The following RBBP8 variants were observed in gnomAD, a reference collection of about 807,000 sequenced individuals.
The protein encoded by RBBP8 is DNA endonuclease RBBP8.
A neutral mutation model predicts 108.3 loss-of-function variants in RBBP8; 88 were observed. The ratio of observed to expected loss-of-function variants is 0.81; its 90% confidence interval spans 0.68 to 0.97. The LOEUF (loss-of-function observed/expected upper bound fraction) is 0.97, where lower values mean the gene tolerates loss of function less well. Among genes scored for constraint, RBBP8 ranks in the 50% least tolerant of loss-of-function variants. RBBP8 has a pLI of 0.00. For missense variants in RBBP8, 1,023 were observed against 1,049.0 expected (o/e 0.98, Z 0.34); for synonymous variants, 332 against 348.2 (o/e 0.95, Z 0.52).
intron 16 of RBBP8, among the ~76,000 whole-genome samples, chr18:23,014,702 C>T (rs976269719): frequency 2.0e-5 from 3 of 152,156 alleles, no homozygotes; most frequent in South Asian, 2.1e-4. Context: ...TTCTTCCCAA[C>T]GTACTCCATA....
chr18:23,008,231 C>A (rs1011396498), intron 16 of RBBP8, among the ~76,000 whole-genome samples: 4 of 135,106 alleles, frequency 3.0e-5, no homozygotes, highest in East Asian at 2.0e-4. Context: ...GTAATTCATT[C>A]AAAAAAAATT....
At chr18:22,953,948 G>C (rs774990573) in intron 4 of RBBP8, among the ~76,000 whole-genome samples, 27 of 152,008 alleles carry the variant, frequency 1.8e-4, no homozygotes, top group Non-Finnish European at 2.4e-4. Flanking sequence ...AAGCAAAAGG[G>C]GGATAAGCCC....
intron 16 of RBBP8, among the ~76,000 whole-genome samples, chr18:23,013,611 G>T (rs1249967406): frequency 1.3e-5 from 2 of 152,150 alleles, no homozygotes; most frequent in Non-Finnish European, 2.9e-5. Flanking sequence ...TGATTTGCTG[G>T]TTTTACATAG....
chr18:22,982,325 A>G lies in RBBP8; in HGVS notation c.536A>G (p.Lys179Arg). ...TCTGGCGTTAACCGGCTACGAAGAA[A>G]GGAGAACCCCCATGTCCGATACATA... ...SFSGVNRLRRKENPHVRYIEQ... is the reference protein window; with the variant it reads ...SFSGVNRLRRRENPHVRYIEQ... The change falls in exon 7 of 19, where the codon AAG becomes AGG. Residue 179 changes from lysine (K) to arginine (R), a missense_variant. Transcript: ENST00000327155. 1.2e-6 allele frequency: 2 copies of G among 1,614,208 alleles called. No homozygotes were observed. Among genetic ancestry groups the G allele is most frequent in the Non-Finnish European group, 1.7e-6 (2 of 1,180,022 alleles).
chr18:23,020,104 ATTTT>A (rs542049374), intron 17 of RBBP8, among the ~76,000 whole-genome samples: 1 of 138,648 alleles, frequency 7.2e-6, no homozygotes, highest in Non-Finnish European at 1.6e-5. Flanking sequence ...TCTCCTGGTC[ATTTT>A]TTTTTTTTTT....
chr18:22,936,097 T>TA (rs1325297090), intron 1 of RBBP8, among the ~76,000 whole-genome samples: 62 of 151,984 alleles, frequency 4.1e-4, no homozygotes, highest in Non-Finnish European at 5.4e-4. Context: ...ATTCAAAAGT[T>TA]AAAAAAACCA....
At chr18:22,991,180 T>TA (rs1345852015) in intron 10 of RBBP8, 131 bp downstream of exon 10, 1 of 743,828 alleles carries the variant, frequency 1.3e-6, no homozygotes, top group East Asian at 2.9e-5. Context: ...ATGTTTACTT[T>TA]AAAAATTGTC....
At chr18:22,925,024 C>T (rs1909738726) in intron 3 of RBBP8, among the ~76,000 whole-genome samples, 1 of 151,948 alleles carries the variant, frequency 6.6e-6, no homozygotes, top group South Asian at 2.1e-4. Context: ...GCTGAGGCTA[C>T]ACACAACACT....
rs373041053 is a variant in RBBP8 at position 23,026,202 on chromosome 18, G to T, written c.2656G>T (p.Ala886Ser). Residue 886 changes from alanine (A) to serine (S), a missense_variant, in exon 19 of 19, where the codon GCA (alanine) becomes TCA (serine). By Grantham distance (99) the Ala-to-Ser change is moderately conservative (BLOSUM62 1). Transcript: ENST00000327155. Reference sequence around the variant, plus strand: ...TCCAAAAAGACGTCAGCCTTACAACGCAATATTTTCTCCAAAAGGCAAGGA... The same window carrying T: ...TCCAAAAAGACGTCAGCCTTACAACTCAATATTTTCTCCAAAAGGCAAGGA... The part of the protein sequence containing the change: ...PRPKRRQPYN[A>S]IFSPKGKEQK... The T allele has an allele frequency of 2.5e-6, 4 of 1,613,726 alleles. No individual in the cohort carries two copies. The highest frequency in any genetic ancestry group is 2.5e-6 in the Non-Finnish European group (3 of 1,179,750).
chr18:23,010,011 TG>T (rs1172468001), intron 16 of RBBP8, among the ~76,000 whole-genome samples: 3 of 152,208 alleles, frequency 2.0e-5, no homozygotes, highest in Non-Finnish European at 2.9e-5. Flanking sequence ...CTGCCTGCCT[TG>T]GCCTCCCAAA....
intron 13 of RBBP8, among the ~76,000 whole-genome samples, chr18:22,996,841 T>G (rs1012265418): frequency 6.6e-6 from 1 of 151,912 alleles, no homozygotes; most frequent in African/African-American, 2.4e-5. Flanking sequence ...TATAGGAAAT[T>G]TTAAAGTTAG....
rs572446899 is a variant in RBBP8 at position 23,011,522 on chromosome 18, T to C, written c.2357+5090T>C. 3.3e-5 allele frequency among the ~76,000 whole-genome samples: 5 copies of C among 151,226 alleles called. No individual in the cohort carries two copies. The South Asian group carries it at 1.0e-3, about 32-fold the overall frequency. ...TGCCATCTTGTCTCACTGCAAGCTCTGCCTCCCGGGTTCATGCCATTCTCC... is the reference window on the plus strand; with the variant it reads ...TGCCATCTTGTCTCACTGCAAGCTCCGCCTCCCGGGTTCATGCCATTCTCC... On this transcript the variant is annotated intron_variant, in intron 16 of 18. Coordinates refer to ENST00000327155, the MANE Select transcript of RBBP8 (RefSeq NM_002894.3).
chr18:22,999,394 C>G (rs559466619), intron 14 of RBBP8, among the ~76,000 whole-genome samples: 1 of 152,286 alleles, frequency 6.6e-6, no homozygotes, highest in South Asian at 2.1e-4. Context: ...CTCATTTACT[C>G]TCAGGGCTTA....
Position 22,996,380 on chromosome 18 carries a change from C to T in RBBP8, c.1946C>T (p.Ser649Phe), listed in dbSNP as rs1336797093. ...IKSLQNNQDV[S>F]FENIQWSIDP... is the part of the protein sequence containing the mutation. Reference sequence around the variant, plus strand: ...CTCTTTCCCTTTACCTAAGATGTATCCTTTGAAAATATCCAGTGGAGTATA... The same window carrying T: ...CTCTTTCCCTTTACCTAAGATGTATTCTTTGAAAATATCCAGTGGAGTATA... Residue 649 changes from serine to phenylalanine, a missense_variant, in exon 13 of 19, where the codon TCC (serine) becomes TTC (phenylalanine). Physicochemically the swap from Ser to Phe is radical, Grantham distance 155. Coordinates refer to ENST00000327155, the MANE Select transcript of RBBP8 (RefSeq NM_002894.3). The T allele has an allele frequency of 6.2e-7, 1 of 1,613,424 alleles. No individual in the cohort carries two copies. Among genetic ancestry groups the T allele is most frequent in the Admixed American group, 1.7e-5 (1 of 59,994 alleles).
chr18:22,976,472 A>G (rs188185370), intron 6 of RBBP8, among the ~76,000 whole-genome samples: 314 of 152,280 alleles, frequency 2.1e-3, no homozygotes, highest in Non-Finnish European at 3.3e-3. Flanking sequence ...CCTCACTGCA[A>G]TGGCAGAATG....
At chr18:22,945,861 C>G (rs994066154) in intron 2 of RBBP8, among the ~76,000 whole-genome samples, 2 of 152,066 alleles carry the variant, frequency 1.3e-5, no homozygotes, top group African/African-American at 4.8e-5. Flanking sequence ...CTGTTTTGTC[C>G]ATATCCTTCC....
chr18:22,949,867 A>G (rs754911889), intron 4 of RBBP8, 154 bp downstream of exon 4: 9 of 605,216 alleles, frequency 1.5e-5, no homozygotes, highest in East Asian at 2.8e-5. Context: ...ACAAGGATCT[A>G]TTCTTTAAGA....
At chr18:22,988,584 T>C (rs981871060) in intron 8 of RBBP8, among the ~76,000 whole-genome samples, 4 of 152,240 alleles carry the variant, frequency 2.6e-5, no homozygotes, top group Non-Finnish European at 4.4e-5. Flanking sequence ...TTATTCTGTG[T>C]TTAAATCACC....
At chr18:22,995,815 A>T (rs1386194962) in intron 12 of RBBP8, among the ~76,000 whole-genome samples, 1 of 152,172 alleles carries the variant, frequency 6.6e-6, no homozygotes, top group African/African-American at 2.4e-5. Context: ...TCAAGTTGTC[A>T]CTTTTTTGCT....
Sources: gnomAD v4.1 joint callset for allele counts (sites outside exome capture counted in the v4.1 genomes callset) on GRCh38, gnomAD v4.1.1 for gene constraint, MANE v1.5 for transcripts, NCBI Gene and HGNC (gene_info 2026-07-23, HGNC 2026-07-21) for gene names.